Variants in CCNB3 observed in about 807,000 individuals in gnomAD.
CCNB3 encodes the protein G2/mitotic-specific cyclin-B3.
Under a neutral mutation model 68.0 loss-of-function variants are expected in CCNB3, and 12 were observed. The observed-to-expected ratio is 0.18, with a 90% CI of 0.11 to 0.29. The LOEUF (loss-of-function observed/expected upper bound fraction) is 0.29, where lower values mean the gene tolerates loss of function less well. Ranked by LOEUF, CCNB3 falls within the 10% of genes least tolerant of loss-of-function variation. CCNB3 has a pLI of 1.00. For missense variants in CCNB3, 904 were observed against 993.1 expected (o/e 0.91, Z 1.21); for synonymous variants, 354 against 388.9 (o/e 0.91, Z 1.06).
chrX:50,350,448 C>T (rs12013444), intron 11 of CCNB3, among the ~76,000 whole-genome samples: 3,925 of 111,689 alleles, frequency 0.035, 173 homozygotes, highest in African/African-American at 0.12. Context: ...ACTGCTATAC[C>T]GCTTCTGCCA....
intron 1 of CCNB3, among the ~76,000 whole-genome samples, chrX:50,226,499 AATAT>A (rs1383404225): frequency 2.2e-5 from 1 of 44,805 alleles, no homozygotes; most frequent in Admixed American, 3.4e-4. Flanking sequence ...AATATATAAA[AATAT>A]ATATATAGAA....
At chrX:50,213,736 G>GTT (rs1935519484) in intron 1 of CCNB3, among the ~76,000 whole-genome samples, 1 of 111,518 alleles carries the variant, frequency 9.0e-6, no homozygotes, top group Non-Finnish European at 1.9e-5. Flanking sequence ...TGTTATAGCA[G>GTT]TGTGCTTTCG....
intron 1 of CCNB3, among the ~76,000 whole-genome samples, chrX:50,227,953 G>A (rs1165231563): frequency 2.5e-5 from 2 of 81,422 alleles, no homozygotes; most frequent in East Asian, 6.9e-4. Flanking sequence ...TATATAGAGA[G>A]AATATATATA....
intron 1 of CCNB3, among the ~76,000 whole-genome samples, chrX:50,212,932 A>G (rs1935505609): frequency 9.0e-6 from 1 of 111,360 alleles, no homozygotes; most frequent in South Asian, 3.8e-4. Context: ...TCTGCCTAAC[A>G]CATACCAAAA....
chrX:50,338,336 T>G (rs782391596), intron 8 of CCNB3, among the ~76,000 whole-genome samples: 1 of 112,051 alleles, frequency 8.9e-6, no homozygotes, highest in Admixed American at 9.4e-5. Context: ...GCTGGGAGCA[T>G]TGGTGGACTC....
chrX:50,308,536 T>C lies in CCNB3; in HGVS notation c.367T>C (p.Ser123Pro). Reference protein sequence around the residue: ...HKLEVTPVVASTTVVPNIMEK... With the variant: ...HKLEVTPVVAPTTVVPNIMEK... ...GCTGGAAGTCACACCAGTAGTAGCC[T>C]CTACTACCGTGGTACCAAACATTAT... Residue 123 changes from serine to proline, a missense_variant, in exon 6 of 13, where the codon TCT becomes CCT. By Grantham distance (74) the Ser-to-Pro change is moderately conservative. Coordinates refer to ENST00000376042, the MANE Select transcript of CCNB3 (RefSeq NM_033031.3). 1 of 1,202,155 alleles carries C rather than the reference T, an allele frequency of 8.3e-7. No individual in the cohort carries two copies. The highest frequency in any genetic ancestry group is 1.1e-6 in the Non-Finnish European group (1 of 888,062).
intron 8 of CCNB3, among the ~76,000 whole-genome samples, chrX:50,314,432 G>A (rs1242885674): frequency 3.6e-5 from 4 of 111,544 alleles, no homozygotes; most frequent in Non-Finnish European, 7.5e-5. Flanking sequence ...ACTAAGATAG[G>A]AGAGCCCAGA....
In CCNB3 at chrX:50,312,750, C is replaced by G. The variant is rs1463056394; in HGVS notation, c.3423+118C>G. 39 of 478,738 alleles carry G rather than the reference C, an allele frequency of 8.1e-5. No homozygotes were observed. In the South Asian group the frequency reaches 1.1e-3, roughly 13 times the overall value. The allele number at this position is 478,738 out of a possible 1,213,427, so 39.5% of individuals were successfully genotyped here. A position where few individuals can be genotyped will look rare whatever the true frequency, so the allele number is the denominator to read the frequency against. On this transcript the variant is annotated intron_variant, in intron 7 of 12. Transcript: ENST00000376042. ...ATGATGATAAAAATAATAATAGCAA[C>G]AACTAACATATTGGTAGCTTACTGT...
intron 1 of CCNB3, among the ~76,000 whole-genome samples, chrX:50,209,756 T>C (rs1294213487): frequency 8.9e-6 from 1 of 112,587 alleles, no homozygotes; most frequent in Non-Finnish European, 1.9e-5. Context: ...GTCTTCTTTT[T>C]CTTTGTCAAT....
intron 5 of CCNB3, among the ~76,000 whole-genome samples, chrX:50,297,010 T>C (rs1234658034): frequency 1.8e-5 from 2 of 111,349 alleles, no homozygotes; most frequent in African/African-American, 3.3e-5. Context: ...TTTGAGTTCA[T>C]TGTAGATTCT....
At chrX:50,338,828 T>C (rs1313097097) in intron 8 of CCNB3, among the ~76,000 whole-genome samples, 1 of 112,565 alleles carries the variant, frequency 8.9e-6, no homozygotes, top group Non-Finnish European at 1.9e-5. Flanking sequence ...TGGACTTCAC[T>C]GTCCATGTCA....
At chrX:50,220,594 G>C (rs1401603464) in intron 1 of CCNB3, among the ~76,000 whole-genome samples, 3 of 111,863 alleles carry the variant, frequency 2.7e-5, no homozygotes, top group Non-Finnish European at 5.6e-5. Context: ...ATGTTGACGT[G>C]AACCATCCTT....
At chrX:50,228,240 AAT>A (rs1602191404) in intron 1 of CCNB3, among the ~76,000 whole-genome samples, 2 of 83,895 alleles carry the variant, frequency 2.4e-5, no homozygotes, top group African/African-American at 1.1e-4. Flanking sequence ...ACATACATAG[AAT>A]ATATATAAAT....
At chrX:50,204,584 T>A (rs1377521079), upstream of CCNB3, 1 of 105,734 alleles carries the variant, frequency 9.5e-6, no homozygotes, top group South Asian at 4.4e-4. Context: ...AGAAGAGAAA[T>A]TCCCTGAGAA....
At chrX:50,215,697 A>G (rs1241845619) in intron 1 of CCNB3, among the ~76,000 whole-genome samples, 1 of 110,579 alleles carries the variant, frequency 9.0e-6, no homozygotes, top group Non-Finnish European at 1.9e-5. Context: ...TGGTACATAC[A>G]CGTTTGAGAT....
In CCNB3 at chrX:50,227,928, CAG is replaced by C. The variant is rs1461603675; in HGVS notation, c.-113+22980_-113+22981del. Among the ~76,000 whole-genome samples, 4 of 57,832 alleles carry C rather than the reference CAG, an allele frequency of 6.9e-5. No homozygotes were observed. In the East Asian group the frequency reaches 1.9e-3, roughly 27 times the overall value. 50.2% of individuals were successfully genotyped at this position (57,832 alleles called of 115,157 possible). ...GAGAGAATATATATAAATGTATAGA[CAG>C]AATATATATAAATATATAGAGAGAA... On this transcript the variant is annotated intron_variant, in intron 1 of 12. Coordinates refer to ENST00000376042, the MANE Select transcript of CCNB3 (RefSeq NM_033031.3).
intron 1 of CCNB3, among the ~76,000 whole-genome samples, chrX:50,226,203 T>C (rs1156620897): frequency 3.1e-5 from 2 of 65,224 alleles, no homozygotes; most frequent in Non-Finnish European, 4.9e-5. Context: ...ATATATAGAA[T>C]ATATATATTT....
At chrX:50,204,176 C>G (rs1325094098), upstream of CCNB3, among the ~76,000 whole-genome samples, 3 of 111,358 alleles carry the variant, frequency 2.7e-5, no homozygotes, top group African/African-American at 9.8e-5. Flanking sequence ...AAACATAATT[C>G]AGAAATCACA....
At chrX:50,303,510 T>A (rs1936697424) in intron 5 of CCNB3, among the ~76,000 whole-genome samples, 1 of 109,702 alleles carries the variant, frequency 9.1e-6, no homozygotes, top group African/African-American at 3.3e-5. Flanking sequence ...TCATTGTGGT[T>A]TTTAGGTTTG....
Sources: allele counts gnomAD v4.1 joint callset (sites outside exome capture counted in the v4.1 genomes callset), GRCh38; gene constraint gnomAD v4.1.1; transcripts MANE v1.5; gene names NCBI Gene and HGNC (gene_info 2026-07-23, HGNC 2026-07-21).